GPKOW: variants seen among roughly 807,000 people sequenced by gnomAD.
GPKOW encodes the protein G-patch domain and KOW motifs-containing protein.
For missense variants in GPKOW, 359 were observed against 404.7 expected (o/e 0.89, Z 0.97); for synonymous variants, 167 against 159.1 (o/e 1.05, Z -0.37).
chrX:49,114,958 G>T (rs1408580185), intron 9 of GPKOW, among the ~76,000 whole-genome samples: 1 of 95,889 alleles, frequency 1.0e-5, no homozygotes, highest in African/African-American at 3.9e-5. Context: ...AAAAAAAGAA[G>T]GGCCTTTCCT....
intron 1 of GPKOW, 94 bp from the exon 2 acceptor site, chrX:49,122,870 C>A: frequency 1.4e-6 from 1 of 694,346 alleles, no homozygotes. Flanking sequence ...CAAACTCACC[C>A]CAGCCCCACA....
intron 9 of GPKOW, among the ~76,000 whole-genome samples, chrX:49,114,427 C>T (rs1343400378): frequency 3.8e-5 from 4 of 106,623 alleles, no homozygotes; most frequent in South Asian, 8.6e-4. Context: ...GCATGAGCCA[C>T]CGCGCCCAGC....
chrX:49,122,301 GCA>G lies in GPKOW; in HGVS notation c.456+95_456+96del. On this transcript the variant is annotated intron_variant, in intron 3 of 10. Coordinates refer to ENST00000156109, the MANE Select transcript of GPKOW (RefSeq NM_015698.6). ...AGAAGGGGCAGGTGGCGGGCCTCTA[GCA>G]CACACACAGACTTTCCCTGCTACGT... The G allele has an allele frequency of 6.6e-6, 5 of 761,421 alleles. No homozygotes were observed. The South Asian group carries it at 1.3e-4, about 20-fold the overall frequency. The allele number at this position is 761,421 out of a possible 1,213,427, so 62.7% of individuals were successfully genotyped here. A position where few individuals can be genotyped will look rare whatever the true frequency, so the allele number is the denominator to read the frequency against.
At chrX:49,115,110 G>A (rs908261198) in intron 9 of GPKOW, among the ~76,000 whole-genome samples, 1 of 109,648 alleles carries the variant, frequency 9.1e-6, no homozygotes, top group Admixed American at 9.9e-5. Flanking sequence ...ACCTTTTATT[G>A]TGGGCATGTT....
intron 1 of GPKOW, 85 bp downstream of exon 1, chrX:49,123,462 T>A: frequency 1.0e-6 from 1 of 954,353 alleles, no homozygotes; most frequent in Non-Finnish European, 1.4e-6. Context: ...CAGGTCACTG[T>A]CACCAAGACA....
chrX:49,121,539 C>T (rs782110970), intron 3 of GPKOW, among the ~76,000 whole-genome samples: 11 of 111,312 alleles, frequency 9.9e-5, no homozygotes, highest in Middle Eastern at 4.6e-3. Flanking sequence ...TGTAGAAGAA[C>T]TAGACTCAAA....
At chrX:49,115,676 C>T (rs2065190799) in intron 9 of GPKOW, 50 bp downstream of exon 9, 1 of 1,060,374 alleles carries the variant, frequency 9.4e-7, no homozygotes, top group South Asian at 1.9e-5. Context: ...AGGCTCTGGG[C>T]CTAAAACACT....
At chrX:49,116,115 C>A in intron 7 of GPKOW, 101 bp from the exon 8 acceptor site, 1 of 1,129,647 alleles carries the variant, frequency 8.9e-7, no homozygotes, top group Non-Finnish European at 1.2e-6. Context: ...CAATGCAGTT[C>A]CCCGTTCCTT....
intron 3 of GPKOW, among the ~76,000 whole-genome samples, chrX:49,122,133 T>C (rs1273868297): frequency 8.9e-6 from 1 of 112,423 alleles, no homozygotes; most frequent in Non-Finnish European, 1.9e-5. Flanking sequence ...CCGCAAACAC[T>C]TTAGGCAGTG....
intron 7 of GPKOW, 64 bp downstream of exon 7, chrX:49,116,157 C>T (rs368834924): frequency 1.8e-6 from 2 of 1,095,399 alleles, no homozygotes. Flanking sequence ...GAAGCCTTCC[C>T]TGGCTGCTCG....
chrX:49,118,100 T>C (rs1280994634), intron 4 of GPKOW, among the ~76,000 whole-genome samples: 1 of 109,471 alleles, frequency 9.1e-6, no homozygotes, highest in Non-Finnish European at 1.9e-5. Context: ...TTTGTATTTT[T>C]AGTAGAGACA....
chrX:49,117,694 T>C lies in GPKOW; in HGVS notation c.683A>G (p.Glu228Gly). 7.4e-6 allele frequency: 9 copies of C among 1,209,308 alleles called. No individual in the cohort carries two copies. The highest frequency in any genetic ancestry group is 1.0e-5 in the Non-Finnish European group (9 of 893,405). The change falls in exon 5 of 11, where the codon GAG becomes GGG. Residue 228 changes from glutamate (E) to glycine (G), a missense_variant. Physicochemically the swap from Glu to Gly is moderately conservative, Grantham distance 98. Transcript: ENST00000156109. ...ATCTTCCTTATCTTTCTCTTGCTCC[T>C]CATCTGGTCTTGGCATGCGGGAGGG... ...TGPSRMPRPD[E>G]EQEKDKEDQP...
chrX:49,122,799 G>A (rs782090394), intron 1 of GPKOW, 23 bp from the exon 2 acceptor site: 68 of 1,187,623 alleles, frequency 5.7e-5, no homozygotes, highest in Non-Finnish European at 7.4e-5. Context: ...CAGAGGGGTG[G>A]GGTTGGGAGA....
chrX:49,117,361 C>T (rs1264422324), intron 5 of GPKOW, among the ~76,000 whole-genome samples, 199 bp from the exon 6 acceptor site: 2 of 111,680 alleles, frequency 1.8e-5, no homozygotes, highest in African/African-American at 6.5e-5. Flanking sequence ...ATCCTTTAAG[C>T]ATTTAATCTT....
In GPKOW at chrX:49,123,536, C is replaced by T. The variant is rs1039976388; in HGVS notation, c.176+11G>A. The T allele has an allele frequency of 8.4e-7, 1 of 1,190,578 alleles. No individual in the cohort carries two copies. On this transcript the variant is annotated intron_variant, in intron 1 of 10. Coordinates refer to ENST00000156109, the MANE Select transcript of GPKOW (RefSeq NM_015698.6). ...AGAGATTTCCAAGGGGTGAAAGACC[C>T]GGCGCGTCACCTCTGCAGCTCCCTC...
At position 49,116,313 on chromosome X, in the gene GPKOW, G is replaced by A. The variant is rs200439689; in HGVS notation, c.924C>T (p.Asn308=). Reference sequence around the variant, plus strand: ...GGGTCTTCCGTGATGAGGCAGTTCCGTTCTGTTGCCCTGGGGAAGGAAGTT... The same window carrying A: ...GGGTCTTCCGTGATGAGGCAGTTCCATTCTGTTGCCCTGGGGAAGGAAGTT... ...DKNTLDLRQQ[N]GTASSRKTLW... Residue 308 remains asparagine (N), a synonymous_variant, in exon 7 of 11, where the codon AAC becomes AAT. Transcript: ENST00000156109. 1.6e-5 allele frequency: 19 copies of A among 1,184,951 alleles called. No homozygotes were observed. The East Asian group carries it at 1.8e-4, about 11-fold the overall frequency.
At chrX:49,118,804 GA>G (rs782488489) in intron 4 of GPKOW, among the ~76,000 whole-genome samples, 2 of 101,103 alleles carry the variant, frequency 2.0e-5, no homozygotes, top group Admixed American at 2.2e-4. Flanking sequence ...AATGGGTTAT[GA>G]AAAAATGTTT....
chrX:49,114,922 CAAAAAAAAA>C (rs1169588195), intron 9 of GPKOW, among the ~76,000 whole-genome samples: 10 of 45,588 alleles, frequency 2.2e-4, no homozygotes, highest in African/African-American at 8.9e-4. Context: ...GACTCTGTTT[CAAAAAAAAA>C]AAAAAAAAAA....
rs782746126 is a variant in GPKOW at position 49,117,740 on chromosome X, G to T, written c.637C>A (p.Gln213Lys). The change falls in exon 5 of 11, where the codon CAG (glutamine) becomes AAG (lysine). Residue 213 changes from glutamine to lysine, a missense_variant. Coordinates refer to ENST00000156109, the MANE Select transcript of GPKOW (RefSeq NM_015698.6). Reference protein sequence around the residue: ...LGLGANLTEAQALTPTGPSRM... With the variant: ...LGLGANLTEAKALTPTGPSRM... ...GAGGGGCCAGTGGGGGTCAAGGCCTGGGCCTCGGTCAGGTTGGCACCCAGC... is the reference window on the plus strand; with the variant it reads ...GAGGGGCCAGTGGGGGTCAAGGCCTTGGCCTCGGTCAGGTTGGCACCCAGC... 8.3e-7 allele frequency: 1 copy of T among 1,209,944 alleles called. No homozygotes were observed. The highest frequency in any genetic ancestry group is 1.1e-6 in the Non-Finnish European group (1 of 893,947).
Sources: allele counts gnomAD v4.1 joint callset (sites outside exome capture counted in the v4.1 genomes callset), GRCh38; gene constraint gnomAD v4.1.1; transcripts MANE v1.5; gene names NCBI Gene and HGNC (gene_info 2026-07-23, HGNC 2026-07-21).